The following SHISA9 variants were observed in gnomAD, a reference collection of about 807,000 sequenced individuals.
SHISA9 encodes shisa family member 9, also known as protein shisa-9.
Under a neutral mutation model 38.0 loss-of-function variants are expected in SHISA9, and 13 were observed. That is an observed-to-expected ratio of 0.34 (90% CI 0.22 to 0.54). The LOEUF is 0.54. Ranked by LOEUF, SHISA9 falls within the 20% of genes least tolerant of loss-of-function variation. The probability of loss-of-function intolerance (pLI) is 0.91; values close to 1 mark genes in which losing one functional copy is unlikely to be tolerated. For missense variants in SHISA9, 538 were observed against 575.8 expected (o/e 0.93, Z 0.67); for synonymous variants, 275 against 242.0 (o/e 1.14, Z -1.27).
the SHISA9 span, among the ~76,000 whole-genome samples, chr16:13,511,641 G>T: frequency 7.9e-5 from 12 of 152,136 alleles, no homozygotes; most frequent in Non-Finnish European, 1.5e-4. Flanking sequence ...CTTATTACTG[G>T]AAGAGTTTTC....
At chr16:13,069,200 G>T (rs542199068) in intron 2 of SHISA9, among the ~76,000 whole-genome samples, 69 of 151,632 alleles carry the variant, frequency 4.6e-4, no homozygotes, top group African/African-American at 1.6e-3. Context: ...GTATACATGT[G>T]TACATGCATG....
At chr16:13,498,307 C>T in the SHISA9 span, among the ~76,000 whole-genome samples, 2 of 152,106 alleles carry the variant, frequency 1.3e-5, no homozygotes, top group Non-Finnish European at 1.5e-5. Flanking sequence ...TAAATTGTTA[C>T]CCCTCAATGC....
At chr16:13,540,764 T>A in the SHISA9 span, among the ~76,000 whole-genome samples, 1 of 152,224 alleles carries the variant, frequency 6.6e-6, no homozygotes, top group Non-Finnish European at 1.5e-5. Flanking sequence ...AAAATGTCAA[T>A]CACAGTGCCT....
chr16:13,182,902 G>T (rs2050790159), intron 2 of SHISA9, among the ~76,000 whole-genome samples: 2 of 152,214 alleles, frequency 1.3e-5, no homozygotes, highest in East Asian at 3.8e-4. Flanking sequence ...CTGTCACACA[G>T]TTGCAGTCAC....
chr16:12,969,888 G>A (rs545701371), intron 2 of SHISA9, among the ~76,000 whole-genome samples: 1 of 152,194 alleles, frequency 6.6e-6, no homozygotes, highest in Non-Finnish European at 1.5e-5. Context: ...TCAAAATGTA[G>A]AACGTGCAAA....
chr16:13,223,669 G>C (rs1171881207), intron 4 of SHISA9, among the ~76,000 whole-genome samples: 1 of 152,102 alleles, frequency 6.6e-6, no homozygotes, highest in East Asian at 1.9e-4. Context: ...CCTGAGACTG[G>C]GTAATTTATA....
intron 2 of SHISA9, among the ~76,000 whole-genome samples, chr16:12,925,811 G>A (rs2071386580): frequency 6.6e-6 from 1 of 152,182 alleles, no homozygotes; most frequent in South Asian, 2.1e-4. Flanking sequence ...TTGATACTTA[G>A]TGTGGATTGA....
At chr16:13,313,270 A>AC in the SHISA9 span, among the ~76,000 whole-genome samples, 1 of 150,474 alleles carries the variant, frequency 6.6e-6, no homozygotes, top group Non-Finnish European at 1.5e-5. Context: ...AAAAAAAAAA[A>AC]AACCCAGTTT....
chr16:12,902,054 T>G lies in SHISA9; in HGVS notation c.-11T>G, dbSNP rs1030361552. The G allele has an allele frequency of 1.4e-6, 2 of 1,475,992 alleles. No individual in the cohort carries two copies. The highest frequency in any genetic ancestry group is 4.8e-5 in the Admixed American group (2 of 41,742). The allele number at this position is 1,475,992 out of a possible 1,614,324, so 91.4% of individuals were successfully genotyped here. ...GGCGGCCGAGCGGCCGAGCCCGGGC[T>G]GGGAGACACCATGCGCCGCGTCCTT... On this transcript the variant is annotated 5_prime_UTR_variant, in exon 1 of 5. Coordinates refer to ENST00000558583, the MANE Select transcript of SHISA9 (RefSeq NM_001145204.3).
intron 2 of SHISA9, among the ~76,000 whole-genome samples, chr16:12,976,701 G>A (rs988257057): frequency 6.6e-6 from 1 of 152,124 alleles, no homozygotes; most frequent in Non-Finnish European, 1.5e-5. Flanking sequence ...CAGGGGGTAA[G>A]TAAGTAACAA....
At chr16:12,976,682 T>A (rs906574505) in intron 2 of SHISA9, among the ~76,000 whole-genome samples, 1 of 149,480 alleles carries the variant, frequency 6.7e-6, no homozygotes, top group African/African-American at 2.5e-5. Flanking sequence ...CTATTTCGAG[T>A]GTGCCTTGCA....
chr16:13,388,877 G>T, the SHISA9 span, among the ~76,000 whole-genome samples: 1 of 152,130 alleles, frequency 6.6e-6, no homozygotes. Context: ...CAAATGAGAT[G>T]ATCAAGTCTT....
intron 2 of SHISA9, among the ~76,000 whole-genome samples, chr16:12,945,116 G>GT (rs1260274623): frequency 6.6e-6 from 1 of 152,188 alleles, no homozygotes; most frequent in African/African-American, 2.4e-5. Flanking sequence ...ACTTCTGGTT[G>GT]TTTTGGGTGA....
chr16:13,123,389 T>C (rs1263486340), intron 2 of SHISA9, among the ~76,000 whole-genome samples: 1 of 152,240 alleles, frequency 6.6e-6, no homozygotes, highest in Non-Finnish European at 1.5e-5. Context: ...CCTAGTCTAA[T>C]CCATTGGGAG....
chr16:12,989,459 A>G (rs919484996), intron 2 of SHISA9, among the ~76,000 whole-genome samples: 3 of 152,134 alleles, frequency 2.0e-5, no homozygotes, highest in African/African-American at 7.2e-5. Flanking sequence ...GATTACAGGC[A>G]TGAGCCACTG....
the SHISA9 span, among the ~76,000 whole-genome samples, chr16:13,409,008 A>G: frequency 6.6e-6 from 1 of 152,130 alleles, no homozygotes; most frequent in East Asian, 1.9e-4. Flanking sequence ...ACACCCCACT[A>G]TCCTGTACCC....
chr16:13,476,738 GTTTTTTTTTTTTT>G, the SHISA9 span, among the ~76,000 whole-genome samples: 2 of 65,182 alleles, frequency 3.1e-5, no homozygotes, highest in Non-Finnish European at 6.4e-5. Context: ...CCTGTTTTGT[GTTTTTTTTTTTTT>G]TTTTTTTTTT....
At chr16:12,907,296 T>C (rs1299342473) in intron 1 of SHISA9, among the ~76,000 whole-genome samples, 1 of 147,740 alleles carries the variant, frequency 6.8e-6, no homozygotes, top group African/African-American at 2.5e-5. Flanking sequence ...CTTCTTTGCT[T>C]CTTTTTTCCT....
chr16:13,374,466 T>A, the SHISA9 span, among the ~76,000 whole-genome samples: 2 of 152,220 alleles, frequency 1.3e-5, no homozygotes, highest in Non-Finnish European at 2.9e-5. Flanking sequence ...GTTTCTAGCT[T>A]CATCCATGTC....
Sources: gnomAD v4.1 joint callset for allele counts (sites outside exome capture counted in the v4.1 genomes callset) on GRCh38, gnomAD v4.1.1 for gene constraint, MANE v1.5 for transcripts, NCBI Gene and HGNC (gene_info 2026-07-23, HGNC 2026-07-21) for gene names.